The following ACOXL variants were observed in gnomAD, a reference collection of about 807,000 sequenced individuals.
ACOXL encodes the protein acyl-coenzyme A oxidase-like protein.
A neutral mutation model predicts 71.9 loss-of-function variants in ACOXL; 70 were observed. The observed-to-expected ratio is 0.97, with a 90% confidence interval of 0.80 to 1.19. The LOEUF (loss-of-function observed/expected upper bound fraction) is 1.19, where lower values mean the gene tolerates loss of function less well. Ranked by LOEUF, ACOXL falls within the 50% of genes most tolerant of loss-of-function variation. ACOXL has a pLI of 0.00. For synonymous variants in ACOXL, 253 were observed against 281.6 expected (o/e 0.90, Z 1.02); for missense variants, 703 against 736.3 (o/e 0.95, Z 0.52).
chr2:111,078,719 G>T (rs2067736472), intron 16 of ACOXL, among the ~76,000 whole-genome samples: 2 of 152,204 alleles, frequency 1.3e-5, no homozygotes, highest in Admixed American at 6.5e-5. Context: ...TCCGTTGATT[G>T]ACCTTTTTCA....
At chr2:110,915,427 TA>T (rs202014111) in intron 11 of ACOXL, among the ~76,000 whole-genome samples, 27,174 of 94,132 alleles carry the variant, frequency 0.29, 3,998 homozygotes, top group Non-Finnish European at 0.36. Flanking sequence ...TATATATATA[TA>T]TTTTTTTTTT....
intron 1 of ACOXL, among the ~76,000 whole-genome samples, chr2:110,746,234 T>C (rs1225071743): frequency 6.6e-6 from 1 of 152,132 alleles, no homozygotes; most frequent in African/African-American, 2.4e-5. Context: ...ACAATGCCTT[T>C]ACGGAACATA....
At chr2:110,977,880 G>C (rs1315446293) in intron 12 of ACOXL, among the ~76,000 whole-genome samples, 1 of 152,184 alleles carries the variant, frequency 6.6e-6, no homozygotes, top group Non-Finnish European at 1.5e-5. Context: ...AGTATACACA[G>C]ATCATCAGGA....
At chr2:110,742,010 C>T (rs915141026) in intron 1 of ACOXL, among the ~76,000 whole-genome samples, 1 of 152,202 alleles carries the variant, frequency 6.6e-6, no homozygotes, top group African/African-American at 2.4e-5. Flanking sequence ...AGACTCTGTG[C>T]CCCCTGACTG....
intron 12 of ACOXL, among the ~76,000 whole-genome samples, chr2:110,976,391 G>C (rs2062447342): frequency 6.6e-6 from 1 of 152,226 alleles, no homozygotes; most frequent in Admixed American, 6.5e-5. Flanking sequence ...ACAGGTCTAG[G>C]ATAAAATGGA....
intron 16 of ACOXL, among the ~76,000 whole-genome samples, chr2:111,065,198 C>A (rs983475197): frequency 6.6e-6 from 1 of 152,134 alleles, no homozygotes; most frequent in Non-Finnish European, 1.5e-5. Context: ...TAGACCCATA[C>A]CAACATGCCC....
chr2:110,929,215 G>A (rs2060391344), intron 11 of ACOXL, among the ~76,000 whole-genome samples: 1 of 152,190 alleles, frequency 6.6e-6, no homozygotes, highest in Admixed American at 6.5e-5. Context: ...TGGTGATAAT[G>A]ATATGGACAA....
At chr2:111,102,677 T>C (rs978053204) in intron 17 of ACOXL, among the ~76,000 whole-genome samples, 5 of 152,056 alleles carry the variant, frequency 3.3e-5, no homozygotes, top group Admixed American at 6.6e-5. Flanking sequence ...GAGATGAGAC[T>C]CATCTGAGTC....
At chr2:110,955,766 C>T (rs1004296114) in intron 12 of ACOXL, among the ~76,000 whole-genome samples, 10 of 151,948 alleles carry the variant, frequency 6.6e-5, no homozygotes, top group Non-Finnish European at 1.2e-4. Context: ...CTGGAACAAG[C>T]GTCCTCCCAT....
At chr2:111,038,949 C>T (rs1489975410) in intron 15 of ACOXL, among the ~76,000 whole-genome samples, 2 of 152,190 alleles carry the variant, frequency 1.3e-5, no homozygotes, top group Non-Finnish European at 2.9e-5. Flanking sequence ...TTTCTTTCAG[C>T]TCTTTGAGTT....
chr2:110,944,778 G>A (rs998912808), intron 12 of ACOXL, among the ~76,000 whole-genome samples: 3 of 152,098 alleles, frequency 2.0e-5, no homozygotes, highest in African/African-American at 7.2e-5. Context: ...TTATGTCTTT[G>A]CTATTGTAAA....
At chr2:111,082,313 C>G (rs1420498418) in intron 16 of ACOXL, among the ~76,000 whole-genome samples, 1 of 149,528 alleles carries the variant, frequency 6.7e-6, no homozygotes, top group Non-Finnish European at 1.5e-5. Flanking sequence ...AGAACTTAAA[C>G]AAATTTACAA....
chr2:110,767,011 G>A (rs765926769), intron 1 of ACOXL, among the ~76,000 whole-genome samples: 8 of 152,242 alleles, frequency 5.3e-5, no homozygotes, highest in Non-Finnish European at 1.2e-4. Flanking sequence ...GGGTTATGGG[G>A]TAGAGAGGAA....
chr2:110,948,234 C>T (rs558958878), intron 12 of ACOXL, among the ~76,000 whole-genome samples: 5 of 152,224 alleles, frequency 3.3e-5, no homozygotes, highest in African/African-American at 4.8e-5. Flanking sequence ...TCACGTTAGA[C>T]GCAGAGCTGC....
rs115785905 is a variant in ACOXL at position 110,960,944 on chromosome 2, T to C, written c.1060-26164T>C. 8.3e-3 allele frequency among the ~76,000 whole-genome samples: 1,270 copies of C among 152,340 alleles called. 22 individuals carry two copies. The highest frequency in any genetic ancestry group is 0.029 in the African/African-American group (1,215 of 41,582). On this transcript the variant is annotated intron_variant, in intron 12 of 17. Transcript: ENST00000439055. ...GCCGCATAGACGTTTACCCAGGACATGGATGCTGGGACTTTCTAAGCCTGA... is the reference window on the plus strand; with the variant it reads ...GCCGCATAGACGTTTACCCAGGACACGGATGCTGGGACTTTCTAAGCCTGA...
intron 11 of ACOXL, among the ~76,000 whole-genome samples, chr2:110,915,423 TA>T (rs1357383237): frequency 0.041 from 5,127 of 126,544 alleles, 181 homozygotes; most frequent in Non-Finnish European, 0.055. Context: ...TATATATATA[TA>T]TATATTTTTT....
At chr2:110,999,297 C>T (rs2063522528) in intron 14 of ACOXL, among the ~76,000 whole-genome samples, 1 of 152,150 alleles carries the variant, frequency 6.6e-6, no homozygotes, top group East Asian at 1.9e-4. Context: ...CCCCACTCTA[C>T]AGCTTCATTT....
intron 5 of ACOXL, among the ~76,000 whole-genome samples, chr2:110,794,936 C>T (rs973813612): frequency 5.9e-5 from 9 of 152,048 alleles, no homozygotes; most frequent in East Asian, 3.9e-4. Flanking sequence ...AACTCCTACA[C>T]GCACCCCGCC....
chr2:111,038,650 A>G (rs1006988423), intron 15 of ACOXL, among the ~76,000 whole-genome samples: 1 of 152,272 alleles, frequency 6.6e-6, no homozygotes. Flanking sequence ...AGGATGGAGA[A>G]TAAGACCTTC....
Sources: allele counts gnomAD v4.1 joint callset (sites outside exome capture counted in the v4.1 genomes callset), GRCh38; gene constraint gnomAD v4.1.1; transcripts MANE v1.5; gene names NCBI Gene and HGNC (gene_info 2026-07-23, HGNC 2026-07-21).